The following PARG variants were observed in gnomAD, a reference collection of about 807,000 sequenced individuals.
PARG encodes the protein mitochondrial poly(ADP-ribose) glycohydrolase.
A neutral mutation model predicts 113.0 loss-of-function variants in PARG; 35 were observed. The ratio of observed to expected loss-of-function variants is 0.31; its 90% CI spans 0.24 to 0.41. PARG has a LOEUF of 0.41. PARG is among the 10% of genes least tolerant of loss of function. The pLI, the probability that PARG is intolerant of heterozygous loss-of-function variation, is 1.00. For missense variants in PARG, 797 were observed against 1,169.4 expected (o/e 0.68, Z 4.64); for synonymous variants, 330 against 409.9 (o/e 0.81, Z 2.36).
chr10:49,868,748 C>G (rs569885690), intron 10 of PARG, among the ~76,000 whole-genome samples: 1 of 152,098 alleles, frequency 6.6e-6, no homozygotes, highest in East Asian at 1.9e-4. Context: ...TAATAGCTTA[C>G]ATTTATTAAG....
intron 9 of PARG, 64 bp downstream of exon 9, chr10:49,879,609 A>T: frequency 1.7e-6 from 2 of 1,211,954 alleles, no homozygotes; most frequent in East Asian, 2.6e-5. Context: ...CATTCAAAAA[A>T]TATTATTAGT....
chr10:49,905,128 C>G (rs1354060007), intron 7 of PARG, among the ~76,000 whole-genome samples: 1,978 of 146,782 alleles, frequency 0.013, no homozygotes, highest in African/African-American at 0.051. Context: ...TTTGAGATAA[C>G]AAGAAAGAGA....
rs200464020 is a variant in PARG at position 49,922,598 on chromosome 10, C to T, written c.1527G>A (p.Lys509=). The T allele has an allele frequency of 3.7e-5, 60 of 1,608,404 alleles. 1 individual carries two copies. Among genetic ancestry groups the T allele is most frequent in the Non-Finnish European group, 8.5e-6 (10 of 1,178,032 alleles). ...PTHYKDLWDN[K]HVKMPCSEQN... is the part of the protein sequence containing the mutation. Reference sequence around the variant, plus strand: ...GTTCTGAACAAGGCATTTTAACATGCTTGTTATCCCACAAATCTTTATAAT... The same window carrying T: ...GTTCTGAACAAGGCATTTTAACATGTTTGTTATCCCACAAATCTTTATAAT... Residue 509 remains lysine (K), a synonymous_variant, in exon 5 of 18, where the codon AAG becomes AAA. Coordinates refer to ENST00000616448, the MANE Select transcript of PARG (RefSeq NM_003631.5).
At chr10:49,891,315 AAAAT>A (rs1318872867) in intron 7 of PARG, among the ~76,000 whole-genome samples, 1 of 152,112 alleles carries the variant, frequency 6.6e-6, no homozygotes, top group Non-Finnish European at 1.5e-5. Flanking sequence ...CTTTGTCTCA[AAAAT>A]AAATAAATAA....
chr10:49,883,124 A>G (rs1463217197), intron 8 of PARG, among the ~76,000 whole-genome samples: 1 of 152,282 alleles, frequency 6.6e-6, no homozygotes, highest in Non-Finnish European at 1.5e-5. Flanking sequence ...AATTGAAAAC[A>G]TCACACTGGA....
At chr10:49,893,035 T>C (rs190494454) in intron 7 of PARG, among the ~76,000 whole-genome samples, 184 of 152,388 alleles carry the variant, frequency 1.2e-3, no homozygotes, top group South Asian at 4.3e-3. Context: ...AAAACTGCTA[T>C]AAACATTCTT....
At chr10:49,894,190 T>C (rs1336417984) in intron 7 of PARG, among the ~76,000 whole-genome samples, 1 of 150,084 alleles carries the variant, frequency 6.7e-6, no homozygotes, top group Non-Finnish European at 1.5e-5. Context: ...TGTGCCACCA[T>C]GCCCAGCTAA....
At chr10:49,905,250 G>C (rs1848528325) in intron 7 of PARG, among the ~76,000 whole-genome samples, 1 of 152,302 alleles carries the variant, frequency 6.6e-6, no homozygotes, top group African/African-American at 2.4e-5. Flanking sequence ...ATAGTGGAAT[G>C]TCAGTAAATG....
chr10:49,902,689 T>C (rs1385469924), intron 7 of PARG, among the ~76,000 whole-genome samples: 1 of 152,038 alleles, frequency 6.6e-6, no homozygotes, highest in East Asian at 1.9e-4. Context: ...AGGGTAAAAA[T>C]GCTACACAAC....
At chr10:49,826,114 C>T (rs1844347030) in intron 16 of PARG, among the ~76,000 whole-genome samples, 1 of 152,146 alleles carries the variant, frequency 6.6e-6, no homozygotes, top group Non-Finnish European at 1.5e-5. Flanking sequence ...ATGTGGGATA[C>T]TCAACCTGTA....
At chr10:49,892,828 TC>T (rs1436129433) in intron 7 of PARG, among the ~76,000 whole-genome samples, 5 of 152,224 alleles carry the variant, frequency 3.3e-5, no homozygotes, top group African/African-American at 1.2e-4. Context: ...ACCCCTGTGA[TC>T]CCAGCACTTT....
At chr10:49,913,128 C>T (rs1334523120) in intron 7 of PARG, among the ~76,000 whole-genome samples, 1 of 152,228 alleles carries the variant, frequency 6.6e-6, no homozygotes, top group African/African-American at 2.4e-5. Context: ...ACACTTACTT[C>T]TCACTAACCA....
intron 4 of PARG, among the ~76,000 whole-genome samples, chr10:49,928,850 T>A (rs1838347558): frequency 1.3e-5 from 2 of 152,350 alleles, no homozygotes; most frequent in South Asian, 2.1e-4. Flanking sequence ...ATCTGGAATC[T>A]TAATAATGTA....
chr10:49,888,956 TTCCTC>T (rs200581550), intron 7 of PARG, among the ~76,000 whole-genome samples: 1,679 of 152,248 alleles, frequency 0.011, 30 homozygotes, highest in African/African-American at 0.038. Context: ...CACTGATTCT[TTCCTC>T]TATCATCTCC....
intron 16 of PARG, among the ~76,000 whole-genome samples, chr10:49,822,978 C>T (rs1205602615): frequency 1.3e-5 from 2 of 152,178 alleles, no homozygotes; most frequent in African/African-American, 4.8e-5. Context: ...CAACTAAATG[C>T]AGTAGCTGAC....
chr10:49,898,643 A>G (rs1848210711), intron 7 of PARG, among the ~76,000 whole-genome samples: 1 of 152,086 alleles, frequency 6.6e-6, no homozygotes, highest in Non-Finnish European at 1.5e-5. Flanking sequence ...CATTCAGCAC[A>G]TATATATAAC....
In PARG at chr10:49,915,900, A is replaced by T. The variant is rs782456572; in HGVS notation, c.1737+17T>A. ...GTTGTCAATAATATTTTCATAAAGA[A>T]ATAAGGATACTTTTACCTTATCCCA... is the stretch of plus-strand genomic sequence containing the variant. On this transcript the variant is annotated intron_variant, in intron 7 of 17. Coordinates refer to ENST00000616448, the MANE Select transcript of PARG (RefSeq NM_003631.5). The T allele has an allele frequency of 2.1e-5, 28 of 1,326,964 alleles. No individual in the cohort carries two copies. The highest frequency in any genetic ancestry group is 2.8e-5 in the Non-Finnish European group (26 of 942,140). The allele number at this position is 1,326,964 out of a possible 1,614,324, so 82.2% of individuals were successfully genotyped here.
chr10:49,827,604 A>C (rs536298098), intron 16 of PARG, among the ~76,000 whole-genome samples: 10 of 152,192 alleles, frequency 6.6e-5, no homozygotes, highest in Admixed American at 3.3e-4. Flanking sequence ...AACAACAACA[A>C]AATAAGGCAA....
At position 49,857,462 on chromosome 10, in the gene PARG, G is replaced by A. The variant is rs781846661; in HGVS notation, c.2206-9C>T. 31 of 1,610,806 alleles carry A rather than the reference G, an allele frequency of 1.9e-5. No homozygotes were observed. In the African/African-American group the frequency reaches 2.8e-4, roughly 15 times the overall value. On this transcript the variant is annotated splice_polypyrimidine_tract_variant and intron_variant, in intron 12 of 17. Transcript: ENST00000616448. ...CGATTTGCAAAATCCACCTGTTGGG[G>A]AAATGTGACATATTAAATAATGGTC... is the stretch of plus-strand genomic sequence containing the variant.
Sources: allele counts gnomAD v4.1 joint callset (sites outside exome capture counted in the v4.1 genomes callset), GRCh38; gene constraint gnomAD v4.1.1; transcripts MANE v1.5; gene names NCBI Gene and HGNC (gene_info 2026-07-23, HGNC 2026-07-21).